The following SEC24B variants were observed in gnomAD, a reference collection of about 807,000 sequenced individuals.
SEC24B encodes SEC24 homolog B, COPII component.
SEC24B carries 45 observed loss-of-function variants against 142.8 expected under a neutral mutation model. The ratio of observed to expected loss-of-function variants is 0.32; its 90% confidence interval spans 0.25 to 0.40. The LOEUF is 0.40. SEC24B is among the 10% of genes least tolerant of loss of function. SEC24B has a pLI of 1.00. For missense variants in SEC24B, 1,409 were observed against 1,526.8 expected (o/e 0.92, Z 1.29); for synonymous variants, 574 against 568.2 (o/e 1.01, Z -0.15).
chr4:109,476,321 T>G (rs1459160333), intron 3 of SEC24B, among the ~76,000 whole-genome samples: 1 of 152,144 alleles, frequency 6.6e-6, no homozygotes, highest in African/African-American at 2.4e-5. Flanking sequence ...ATAAAATTGG[T>G]CAAAACAACA....
chr4:109,512,971 CTTTTT>C (rs60804973), intron 9 of SEC24B, among the ~76,000 whole-genome samples: 8 of 103,624 alleles, frequency 7.7e-5, no homozygotes, highest in African/African-American at 2.3e-4. Flanking sequence ...TAAGCCTGAT[CTTTTT>C]TTTTTTTTTT....
At chr4:109,437,523 C>G (rs1363838841) in intron 1 of SEC24B, among the ~76,000 whole-genome samples, 2 of 152,170 alleles carry the variant, frequency 1.3e-5, no homozygotes, top group Admixed American at 6.5e-5. Flanking sequence ...CTCCTGGCCT[C>G]AAGTGATCGT....
rs137979855 is a variant in SEC24B, at chr4:109,483,046, A to G, written c.1165+1265A>G. ...TTTATATATGTATTTATATATATGT[A>G]TTTATGTATTTATATATATATATAT... is the stretch of plus-strand genomic sequence containing the variant. On this transcript the variant is annotated intron_variant, in intron 4 of 23. Transcript: ENST00000265175. 7.1e-4 allele frequency among the ~76,000 whole-genome samples: 88 copies of G among 123,610 alleles called. 1 individual carries two copies. In the East Asian group the frequency reaches 9.7e-3, roughly 14 times the overall value. The allele number at this position is 123,610 out of a possible 152,430, so 81.1% of individuals were successfully genotyped here.
chr4:109,481,532 A>G (rs556792368), intron 3 of SEC24B, 145 bp from the exon 4 acceptor site: 4 of 602,442 alleles, frequency 6.6e-6, no homozygotes, highest in Non-Finnish European at 1.2e-5. Flanking sequence ...TCTAGTTTTG[A>G]TAATGAATTT....
chr4:109,498,358 GA>G (rs1735740984), intron 6 of SEC24B, among the ~76,000 whole-genome samples: 1 of 152,056 alleles, frequency 6.6e-6, no homozygotes, highest in South Asian at 2.1e-4. Context: ...TTTTTTAAAA[GA>G]AGCCTTTTTT....
At chr4:109,527,539 G>A in intron 18 of SEC24B, 107 bp downstream of exon 18, 1 of 765,052 alleles carries the variant, frequency 1.3e-6, no homozygotes, top group Non-Finnish European at 2.2e-6. Context: ...TTGGGAGGCT[G>A]AGGCGGACGG....
At chr4:109,459,604 A>G (rs938270382) in intron 1 of SEC24B, among the ~76,000 whole-genome samples, 2 of 152,146 alleles carry the variant, frequency 1.3e-5, no homozygotes, top group African/African-American at 2.4e-5. Flanking sequence ...CCCACCCCCC[A>G]TGTTTTCCTG....
rs532431189 is a variant in SEC24B, at chr4:109,516,644, A to C, written c.2126+4A>C. 2.0e-6 allele frequency: 3 copies of C among 1,503,484 alleles called. No homozygotes were observed. The highest frequency in any genetic ancestry group is 2.8e-6 in the Non-Finnish European group (3 of 1,083,424). 93.1% of individuals were successfully genotyped at this position (1,503,484 alleles called of 1,614,324 possible). On this transcript the variant is annotated splice_donor_region_variant and intron_variant, in intron 11 of 23. Transcript: ENST00000265175. ...CACTCCTAGAAAATCTAGACAAGTA[A>C]GAATATTTTTAATTCATACTATACA...
At chr4:109,520,959 T>TC in intron 12 of SEC24B, among the ~76,000 whole-genome samples, 158 bp from the exon 13 acceptor site, 1 of 152,236 alleles carries the variant, frequency 6.6e-6, no homozygotes, top group African/African-American at 2.4e-5. Context: ...GCCATTGCAC[T>TC]CCAGCCTGGG....
chr4:109,524,763 A>T (rs1478284344), intron 14 of SEC24B, 55 bp from the exon 15 acceptor site: 1 of 1,522,774 alleles, frequency 6.6e-7, no homozygotes, highest in African/African-American at 1.4e-5. Context: ...TAAAAATGAC[A>T]TGAAAATATG....
intron 2 of SEC24B, among the ~76,000 whole-genome samples, chr4:109,467,059 G>A (rs1731976467): frequency 6.6e-6 from 1 of 151,770 alleles, no homozygotes; most frequent in Non-Finnish European, 1.5e-5. Context: ...GGGCGCGGTG[G>A]CTCACGCCTG....
Position 109,433,880 on chromosome 4 carries a change from C to A in SEC24B, c.11C>A (p.Pro4His). Reference protein sequence around the residue: MSAPAGSSHPAASA... With the variant: MSAHAGSSHPAASA... ...GCCACCAGCGCCGTCATGTCGGCCCCCGCCGGGTCCTCTCACCCGGCCGCC... is the reference window on the plus strand; with the variant it reads ...GCCACCAGCGCCGTCATGTCGGCCCACGCCGGGTCCTCTCACCCGGCCGCC... The change falls in exon 1 of 24, where the codon CCC becomes CAC. Residue 4 changes from proline (P) to histidine (H), a missense_variant. Physicochemically the swap from Pro to His is moderately conservative, Grantham distance 77. Transcript: ENST00000265175. The A allele has an allele frequency of 7.5e-7, 1 of 1,341,266 alleles. No individual in the cohort carries two copies. Among genetic ancestry groups the A allele is most frequent in the Non-Finnish European group, 9.6e-7 (1 of 1,042,572 alleles). The allele number at this position is 1,341,266 out of a possible 1,614,324, so 83.1% of individuals were successfully genotyped here.
intron 1 of SEC24B, among the ~76,000 whole-genome samples, chr4:109,461,568 A>G (rs550446850): frequency 2.2e-4 from 34 of 152,242 alleles, no homozygotes; most frequent in Admixed American, 3.9e-4. Flanking sequence ...ATTAAGTAAA[A>G]GCAAGTTGCG....
intron 17 of SEC24B, 148 bp from the exon 18 acceptor site, chr4:109,527,174 A>G (rs936490173): frequency 3.7e-6 from 2 of 546,016 alleles, no homozygotes; most frequent in Non-Finnish European, 6.4e-6. Context: ...AGCTGTGATC[A>G]CACCATTGCA....
chr4:109,514,637 G>T (rs1737730946), intron 10 of SEC24B, among the ~76,000 whole-genome samples: 1 of 152,218 alleles, frequency 6.6e-6, no homozygotes, highest in Non-Finnish European at 1.5e-5. Context: ...GGGGGAGGTT[G>T]CAGTGAGCCA....
At chr4:109,522,767 ATG>A (rs1049083118) in intron 14 of SEC24B, among the ~76,000 whole-genome samples, 4 of 152,178 alleles carry the variant, frequency 2.6e-5, no homozygotes, top group Non-Finnish European at 4.4e-5. Flanking sequence ...GTGTATATAT[ATG>A]TGTGTGTGTT....
At chr4:109,485,655 A>G (rs1261360818) in intron 4 of SEC24B, among the ~76,000 whole-genome samples, 4 of 152,218 alleles carry the variant, frequency 2.6e-5, no homozygotes, top group African/African-American at 9.6e-5. Context: ...GATGGGAAGA[A>G]AGTCTAGCTT....
intron 1 of SEC24B, among the ~76,000 whole-genome samples, chr4:109,460,844 C>G (rs1056023808): frequency 1.3e-5 from 2 of 151,292 alleles, no homozygotes; most frequent in South Asian, 2.1e-4. Context: ...CTATACTTAT[C>G]AAAGATATAT....
intron 1 of SEC24B, among the ~76,000 whole-genome samples, chr4:109,444,914 T>C (rs1729293436): frequency 6.6e-6 from 1 of 152,168 alleles, no homozygotes; most frequent in African/African-American, 2.4e-5. Context: ...AGAGATTATA[T>C]AAAAACTGAA....
Sources: gnomAD v4.1 joint callset for allele counts (sites outside exome capture counted in the v4.1 genomes callset) on GRCh38, gnomAD v4.1.1 for gene constraint, MANE v1.5 for transcripts, NCBI Gene and HGNC (gene_info 2026-07-23, HGNC 2026-07-21) for gene names.